Variants in PTCHD4 observed in about 807,000 individuals in gnomAD.
PTCHD4 encodes the protein patched domain containing 4.
In PTCHD4, 33 loss-of-function variants were observed where a neutral mutation model predicts 58.1. The ratio of observed to expected loss-of-function variants is 0.57; its 90% CI spans 0.43 to 0.76. PTCHD4 has a LOEUF of 0.76. Among genes scored for constraint, PTCHD4 ranks in the 30% least tolerant of loss-of-function variants. The probability of loss-of-function intolerance (pLI) is 0.00; values close to 1 mark genes in which losing one functional copy is unlikely to be tolerated. For synonymous variants in PTCHD4, 478 were observed against 409.6 expected (o/e 1.17, Z -2.02); for missense variants, 1,058 against 1,027.1 (o/e 1.03, Z -0.41).
chr6:47,980,075 T>G (rs1767825188), intron 4 of PTCHD4, among the ~76,000 whole-genome samples: 1 of 152,116 alleles, frequency 6.6e-6, no homozygotes, highest in Non-Finnish European at 1.5e-5. Flanking sequence ...ACAAGAATAT[T>G]TGTTTATATT....
At chr6:47,898,581 C>A (rs1198400779) in intron 4 of PTCHD4, among the ~76,000 whole-genome samples, 1 of 152,164 alleles carries the variant, frequency 6.6e-6, no homozygotes. Context: ...ATACCACTCA[C>A]ATTTTTTCAA....
intron 4 of PTCHD4, among the ~76,000 whole-genome samples, chr6:47,893,304 C>A (rs1030512915): frequency 6.6e-6 from 1 of 152,182 alleles, no homozygotes; most frequent in African/African-American, 2.4e-5. Context: ...CCACAACGAC[C>A]AGGTTGTAGA....
In PTCHD4 at chr6:47,974,259, A is replaced by C. The variant is rs116821380; in HGVS notation, c.898+34375T>G. Among the ~76,000 whole-genome samples the C allele has an allele frequency of 9.9e-3, 1,515 of 152,306 alleles. 26 individuals carry two copies. The highest frequency in any genetic ancestry group is 0.033 in the African/African-American group (1,381 of 41,552). On this transcript the variant is annotated intron_variant, in intron 4 of 4. Coordinates refer to ENST00000339488, the MANE Select transcript of PTCHD4 (RefSeq NM_001384253.1). Reference sequence around the variant, plus strand: ...TCATTTTAGCAGCAGGGAAATGGCTAACCTTTCGTATGTCCTTTGTCCCAG... The same window carrying C: ...TCATTTTAGCAGCAGGGAAATGGCTCACCTTTCGTATGTCCTTTGTCCCAG...
intron 3 of PTCHD4, among the ~76,000 whole-genome samples, chr6:48,055,886 T>C (rs982558728): frequency 2.6e-5 from 4 of 152,172 alleles, no homozygotes; most frequent in Admixed American, 2.6e-4. Flanking sequence ...CTACATTGAA[T>C]TGTACGGAAA....
At chr6:47,932,302 A>G (rs1459882598) in intron 4 of PTCHD4, among the ~76,000 whole-genome samples, 2 of 152,206 alleles carry the variant, frequency 1.3e-5, no homozygotes, top group East Asian at 3.8e-4. Context: ...TGTGTAAGGC[A>G]TTTAAAAAGT....
Position 48,068,546 on chromosome 6 carries a change from C to A in PTCHD4, c.101G>T (p.Cys34Phe), listed in dbSNP as rs778777226. The A allele has an allele frequency of 6.2e-7, 1 of 1,605,782 alleles. No homozygotes were observed. The highest frequency in any genetic ancestry group is 8.5e-7 in the Non-Finnish European group (1 of 1,178,020). ...LQSFCHRLGL[C>F]VSRHPVFFLT... is the part of the protein sequence containing the mutation. ...GAAAAAGACCGGGTGCCGGCTCACG[C>A]ACAAACCCAGCCTGTGGCAGAACGA... The change falls in exon 3 of 5, where the codon TGC becomes TTC. Residue 34 changes from cysteine (C) to phenylalanine (F), a missense_variant. By Grantham distance (205) the Cys-to-Phe change is radical (BLOSUM62 -2). Coordinates refer to ENST00000339488, the MANE Select transcript of PTCHD4 (RefSeq NM_001384253.1). The surrounding 1 kb of genome is among the most constrained non-coding windows in gnomAD (Gnocchi z 4.2).
intron 1 of PTCHD4, among the ~76,000 whole-genome samples, chr6:48,096,810 A>G (rs1424745620): frequency 1.3e-5 from 2 of 152,114 alleles, no homozygotes. Flanking sequence ...TATATAATCA[A>G]TACAAAACTA....
intron 3 of PTCHD4, among the ~76,000 whole-genome samples, chr6:48,037,904 TAA>T (rs200442793): frequency 9.6e-5 from 9 of 93,468 alleles, no homozygotes; most frequent in East Asian, 4.2e-4. Flanking sequence ...ATGCTAAAAG[TAA>T]AAAAAAAAAA....
chr6:47,958,214 T>C (rs143433570), intron 4 of PTCHD4, among the ~76,000 whole-genome samples: 64 of 152,328 alleles, frequency 4.2e-4, no homozygotes, highest in African/African-American at 1.5e-3. Context: ...TTAGATTATA[T>C]TGTAGTAACA....
Position 47,977,099 on chromosome 6 carries a change from C to T in PTCHD4, c.898+31535G>A, listed in dbSNP as rs539438669. Reference sequence around the variant, plus strand: ...TGAGTAAAACTGTATGCTCACCTCTCTAATTGTGTACTCTGTTTTACCAAT... The same window carrying T: ...TGAGTAAAACTGTATGCTCACCTCTTTAATTGTGTACTCTGTTTTACCAAT... On this transcript the variant is annotated intron_variant, in intron 4 of 4. Coordinates refer to ENST00000339488, the MANE Select transcript of PTCHD4 (RefSeq NM_001384253.1). 1.9e-3 allele frequency among the ~76,000 whole-genome samples: 294 copies of T among 152,272 alleles called. 2 individuals carry two copies. The highest frequency in any genetic ancestry group is 6.8e-3 in the African/African-American group (284 of 41,560).
At chr6:48,078,625 TATAAC>T (rs1765103448) in intron 1 of PTCHD4, among the ~76,000 whole-genome samples, 1 of 152,242 alleles carries the variant, frequency 6.6e-6, no homozygotes, top group Non-Finnish European at 1.5e-5. Flanking sequence ...AGTTTTAATC[TATAAC>T]ATAACTGAAG....
intron 4 of PTCHD4, among the ~76,000 whole-genome samples, chr6:47,973,527 C>G (rs1467565677): frequency 1.3e-5 from 2 of 152,134 alleles, no homozygotes; most frequent in Non-Finnish European, 2.9e-5. Flanking sequence ...CTGCTGGAGC[C>G]AGACGGCACC....
chr6:47,970,690 CTGAT>C (rs1452409492), intron 4 of PTCHD4, among the ~76,000 whole-genome samples: 1 of 152,152 alleles, frequency 6.6e-6, no homozygotes, highest in Non-Finnish European at 1.5e-5. Flanking sequence ...GATTCCCTGT[CTGAT>C]TGCTTTGTTT....
At chr6:47,943,771 G>C (rs1483908383) in intron 4 of PTCHD4, among the ~76,000 whole-genome samples, 2 of 151,926 alleles carry the variant, frequency 1.3e-5, no homozygotes, top group Non-Finnish European at 2.9e-5. Context: ...GTCCCTTCAG[G>C]GAAGTTTCTT....
chr6:48,071,338 T>C (rs1562039521), intron 1 of PTCHD4, among the ~76,000 whole-genome samples: 1 of 152,194 alleles, frequency 6.6e-6, no homozygotes, highest in Non-Finnish European at 1.5e-5. Context: ...TAAATGTAAA[T>C]CATGTTGTAG....
intron 4 of PTCHD4, among the ~76,000 whole-genome samples, chr6:47,978,920 A>G (rs1160899095): frequency 1.3e-5 from 2 of 152,154 alleles, no homozygotes; most frequent in Non-Finnish European, 2.9e-5. Context: ...TGAATATTCT[A>G]TTCATTTTTG....
At chr6:47,922,908 T>C (rs1765480463) in intron 4 of PTCHD4, among the ~76,000 whole-genome samples, 1 of 152,210 alleles carries the variant, frequency 6.6e-6, no homozygotes, top group Admixed American at 6.5e-5. Flanking sequence ...GCTGAATGCA[T>C]ATATCTTTAT....
intron 4 of PTCHD4, among the ~76,000 whole-genome samples, chr6:47,990,140 C>G (rs1333649905): frequency 2.0e-5 from 3 of 152,106 alleles, no homozygotes; most frequent in African/African-American, 4.8e-5. Flanking sequence ...CCAATTTCTC[C>G]CCTTTGGAAT....
At chr6:48,001,593 T>C (rs1260326590) in intron 4 of PTCHD4, among the ~76,000 whole-genome samples, 1 of 152,180 alleles carries the variant, frequency 6.6e-6, no homozygotes, top group African/African-American at 2.4e-5. Context: ...CCTTACACCT[T>C]ATACAAAAAT....
Sources: gnomAD v4.1 joint callset for allele counts (sites outside exome capture counted in the v4.1 genomes callset) on GRCh38, gnomAD v4.1.1 for gene constraint, Gnocchi (gnomAD v3.1) non-coding constraint, MANE v1.5 for transcripts, NCBI Gene and HGNC (gene_info 2026-07-23, HGNC 2026-07-21) for gene names.